Variants in NAALADL2 observed in about 807,000 individuals in gnomAD.
The protein encoded by NAALADL2 is N-acetylated alpha-linked acidic dipeptidase like 2, also known as inactive N-acetylated-alpha-linked acidic dipeptidase-like protein 2.
NAALADL2 carries 76 observed loss-of-function variants against 87.2 expected under a neutral mutation model. That is an observed-to-expected ratio of 0.87 (90% CI 0.72 to 1.05). The LOEUF (loss-of-function observed/expected upper bound fraction) is 1.05. Ranked by LOEUF, NAALADL2 falls within the 50% of genes least tolerant of loss-of-function variation. The pLI is 0.00. For missense variants in NAALADL2, 1,089 were observed against 945.8 expected (o/e 1.15, Z -1.99); for synonymous variants, 354 against 331.0 (o/e 1.07, Z -0.75).
In NAALADL2 at chr3:175,093,429, T is replaced by TATATATAA. The variant is rs1553771435; in HGVS notation, c.44-3357_44-3356insATAAATAT. Reference sequence around the variant, plus strand: ...CATTTTATTTTTTTATATATATATATATATGTTTTAAGTGAAGCAAACAAA... The same window carrying TATATATAA: ...CATTTTATTTTTTTATATATATATATATATATAAATATGTTTTAAGTGAAGCAAACAAA... On this transcript the variant is annotated intron_variant, in intron 1 of 13. Coordinates refer to ENST00000454872, the MANE Select transcript of NAALADL2 (RefSeq NM_207015.3). Among the ~76,000 whole-genome samples the TATATATAA allele has an allele frequency of 7.7e-4, 113 of 146,106 alleles. 1 individual carries two copies. The highest frequency in any genetic ancestry group is 3.6e-3 in the Middle Eastern group (1 of 278).
intron 1 of NAALADL2, among the ~76,000 whole-genome samples, chr3:174,991,993 A>G (rs1004086809): frequency 2.6e-5 from 4 of 152,034 alleles, no homozygotes; most frequent in African/African-American, 9.7e-5. Context: ...AAAATAAATC[A>G]TAATTTACTG....
intron 1 of NAALADL2, among the ~76,000 whole-genome samples, chr3:174,864,979 C>T (rs575644810): frequency 7.0e-4 from 107 of 152,136 alleles, no homozygotes; most frequent in African/African-American, 2.5e-3. Context: ...ATCCCTTGAG[C>T]TTCTAATTAC....
At chr3:175,136,015 A>C (rs1206467882) in intron 2 of NAALADL2, among the ~76,000 whole-genome samples, 4 of 152,204 alleles carry the variant, frequency 2.6e-5, no homozygotes, top group African/African-American at 9.7e-5. Context: ...AGGAATGGGA[A>C]TATGGGCAAA....
chr3:175,160,334 A>ATATAT (rs1364921157), intron 2 of NAALADL2, among the ~76,000 whole-genome samples: 1 of 132,226 alleles, frequency 7.6e-6, no homozygotes, highest in Non-Finnish European at 1.6e-5. Context: ...TTTTAAAAAT[A>ATATAT]TATATTATAT....
At chr3:174,647,771 T>C (rs1487621381) in intron 2 of NAALADL2, among the ~76,000 whole-genome samples, 2 of 152,218 alleles carry the variant, frequency 1.3e-5, no homozygotes, top group African/African-American at 4.8e-5. Context: ...CTCCCTTGAT[T>C]GACTGTTTCT....
At chr3:174,956,507 A>G (rs1421774295) in intron 1 of NAALADL2, among the ~76,000 whole-genome samples, 1 of 152,132 alleles carries the variant, frequency 6.6e-6, no homozygotes, top group African/African-American at 2.4e-5. Context: ...TAATAAAAAT[A>G]AAAGTACATA....
intron 10 of NAALADL2, among the ~76,000 whole-genome samples, chr3:175,591,633 A>C (rs569155535): frequency 7.9e-5 from 12 of 152,058 alleles, no homozygotes; most frequent in Non-Finnish European, 1.6e-4. Context: ...ATGACAATAA[A>C]AGTAAAGTGA....
intron 9 of NAALADL2, among the ~76,000 whole-genome samples, chr3:175,500,330 A>AG (rs1281548788): frequency 1.3e-5 from 2 of 152,098 alleles, no homozygotes; most frequent in Non-Finnish European, 2.9e-5. Flanking sequence ...AAGGTATTGA[A>AG]GTAGAGATGG....
intron 3 of NAALADL2, among the ~76,000 whole-genome samples, chr3:174,789,159 T>G (rs568571853): frequency 6.6e-6 from 1 of 152,324 alleles, no homozygotes; most frequent in African/African-American, 2.4e-5. Context: ...GTAACTGTCT[T>G]CTGACCAGTG....
intron 1 of NAALADL2, among the ~76,000 whole-genome samples, chr3:174,900,080 C>T (rs1188855909): frequency 6.6e-6 from 1 of 151,666 alleles, no homozygotes; most frequent in African/African-American, 2.4e-5. Flanking sequence ...AAAGAAAGAA[C>T]TAAGGGAAAA....
At chr3:175,230,944 A>T (rs1204076609) in intron 2 of NAALADL2, among the ~76,000 whole-genome samples, 1 of 152,040 alleles carries the variant, frequency 6.6e-6, no homozygotes, top group Non-Finnish European at 1.5e-5. Context: ...TCTATCAGGA[A>T]ACATGAATAA....
intron 1 of NAALADL2, among the ~76,000 whole-genome samples, chr3:174,470,819 A>C (rs1716850607): frequency 6.6e-6 from 1 of 152,068 alleles, no homozygotes; most frequent in Non-Finnish European, 1.5e-5. Flanking sequence ...AATTTATTTC[A>C]GGGTGTCTGC....
intron 2 of NAALADL2, among the ~76,000 whole-genome samples, chr3:174,716,866 A>C (rs1481183889): frequency 6.6e-6 from 1 of 152,174 alleles, no homozygotes; most frequent in East Asian, 1.9e-4. Flanking sequence ...TTGAAAGCCT[A>C]GCTCCAGAAG....
chr3:174,608,118 C>T lies in NAALADL2; in HGVS notation c.-115+57481C>T, dbSNP rs1156569694. Among the ~76,000 whole-genome samples the T allele has an allele frequency of 7.3e-5, 11 of 151,656 alleles. No homozygotes were observed. The East Asian group carries it at 7.8e-4, about 11-fold the overall frequency. On this transcript the variant is annotated intron_variant, in intron 2 of 3. Transcript: ENST00000434257. Reference sequence around the variant, plus strand: ...AAATAAAGATGTTCTTTGAAACCAACGAGAACAAAGACACAACATACCAGA... The same window carrying T: ...AAATAAAGATGTTCTTTGAAACCAATGAGAACAAAGACACAACATACCAGA...
intron 1 of NAALADL2, among the ~76,000 whole-genome samples, chr3:174,866,585 C>G (rs1454810250): frequency 6.6e-6 from 1 of 151,668 alleles, no homozygotes; most frequent in Non-Finnish European, 1.5e-5. Context: ...TTGTCTGTCC[C>G]AGAGTTCCTA....
intron 2 of NAALADL2, among the ~76,000 whole-genome samples, chr3:175,166,361 C>A (rs73043212): frequency 2.4e-4 from 37 of 152,178 alleles, no homozygotes; most frequent in African/African-American, 6.7e-4. Context: ...CTCTCCATTT[C>A]TTCCCATTCA....
intron 2 of NAALADL2, among the ~76,000 whole-genome samples, chr3:174,645,745 A>G (rs1723715069): frequency 6.6e-6 from 1 of 152,200 alleles, no homozygotes; most frequent in Admixed American, 6.5e-5. Context: ...TTGACTAAGC[A>G]TGTTTCAACC....
chr3:175,693,934 T>G (rs2149928411), intron 11 of NAALADL2, among the ~76,000 whole-genome samples: 1 of 152,248 alleles, frequency 6.6e-6, no homozygotes. Flanking sequence ...ACCTAGTGAT[T>G]CATCTGCCTT....
chr3:175,368,577 G>GTGTGTT (rs1766001361), intron 5 of NAALADL2, among the ~76,000 whole-genome samples: 1 of 142,730 alleles, frequency 7.0e-6, no homozygotes, highest in East Asian at 2.1e-4. Context: ...GTGTGAGTGT[G>GTGTGTT]TGTGTGTGTG....
Sources: gnomAD v4.1 joint callset for allele counts (sites outside exome capture counted in the v4.1 genomes callset) on GRCh38, gnomAD v4.1.1 for gene constraint, MANE v1.5 for transcripts, NCBI Gene and HGNC (gene_info 2026-07-23, HGNC 2026-07-21) for gene names.